Variants in POU6F2 observed in about 807,000 individuals in gnomAD.
POU6F2 encodes the protein POU class 6 homeobox 2, also known as POU domain, class 6, transcription factor 2.
A neutral mutation model predicts 71.3 loss-of-function variants in POU6F2; 31 were observed. The observed-to-expected ratio is 0.43, with a 90% CI of 0.33 to 0.59. POU6F2 has a LOEUF of 0.59. Among genes scored for constraint, POU6F2 ranks in the 20% least tolerant of loss-of-function variants. The pLI is 0.04. For synonymous variants in POU6F2, 347 were observed against 355.7 expected (o/e 0.98, Z 0.27); for missense variants, 783 against 856.8 (o/e 0.91, Z 1.07).
intron 8 of POU6F2, among the ~76,000 whole-genome samples, chr7:39,456,319 G>A (rs967796601): frequency 2.0e-5 from 3 of 152,180 alleles, no homozygotes; most frequent in Non-Finnish European, 4.4e-5. Flanking sequence ...AGGACAGAAT[G>A]TGAAATTCTG....
At chr7:39,100,193 AC>A (rs1791538115) in intron 2 of POU6F2, among the ~76,000 whole-genome samples, 1 of 152,282 alleles carries the variant, frequency 6.6e-6, no homozygotes, top group South Asian at 2.1e-4. Context: ...TCAACAATGA[AC>A]CCTTTTCATA....
At chr7:39,277,871 A>G (rs2128758716) in intron 4 of POU6F2, among the ~76,000 whole-genome samples, 1 of 152,168 alleles carries the variant, frequency 6.6e-6, no homozygotes, top group South Asian at 2.1e-4. Context: ...ATCCTGGGCA[A>G]CATGGTGAAA....
intron 2 of POU6F2, among the ~76,000 whole-genome samples, chr7:39,123,571 G>C (rs1363361461): frequency 6.6e-6 from 1 of 152,116 alleles, no homozygotes; most frequent in Non-Finnish European, 1.5e-5. Flanking sequence ...GCTAATTTGG[G>C]GCATTTTAGA....
chr7:39,000,738 T>C (rs1487090193), intron 1 of POU6F2, among the ~76,000 whole-genome samples: 2 of 152,098 alleles, frequency 1.3e-5, no homozygotes, highest in Non-Finnish European at 2.9e-5. Context: ...AAGATCAGGG[T>C]CAACAGAGAC....
At chr7:39,421,653 A>G (rs957533512) in intron 6 of POU6F2, among the ~76,000 whole-genome samples, 3 of 152,218 alleles carry the variant, frequency 2.0e-5, no homozygotes, top group Non-Finnish European at 4.4e-5. Context: ...AAAACTTGGA[A>G]TATTGGAGAT....
intron 4 of POU6F2, among the ~76,000 whole-genome samples, chr7:39,261,460 G>A (rs1396873071): frequency 6.6e-6 from 1 of 152,196 alleles, no homozygotes; most frequent in African/African-American, 2.4e-5. Context: ...TGAAGAATCA[G>A]CTTTTCTGGC....
intron 4 of POU6F2, among the ~76,000 whole-genome samples, chr7:39,338,697 A>G (rs1785838273): frequency 6.6e-6 from 1 of 152,210 alleles, no homozygotes; most frequent in Non-Finnish European, 1.5e-5. Context: ...ATTGAGATTT[A>G]GGCAAAAAAG....
chr7:39,104,041 G>A (rs28461975), intron 2 of POU6F2, among the ~76,000 whole-genome samples: 33,452 of 152,152 alleles, frequency 0.22, 3,881 homozygotes, highest in South Asian at 0.36. Flanking sequence ...GCAAAACTGG[G>A]AAAGCTAGAG....
intron 1 of POU6F2, among the ~76,000 whole-genome samples, chr7:38,994,141 C>T (rs945939924): frequency 1.9e-4 from 29 of 152,090 alleles, no homozygotes; most frequent in Admixed American, 7.9e-4. Context: ...CATGGGAACT[C>T]CAAGCTGCAA....
intron 1 of POU6F2, among the ~76,000 whole-genome samples, chr7:39,012,583 A>G (rs1102671): frequency 0.85 from 128,411 of 151,628 alleles, 55,408 homozygotes; most frequent in East Asian, 0.95. Flanking sequence ...GTGTTCCTTT[A>G]GAGGAGGAGA....
intron 4 of POU6F2, among the ~76,000 whole-genome samples, chr7:39,260,940 AC>A (rs1190264688): frequency 6.6e-6 from 1 of 151,498 alleles, no homozygotes; most frequent in Non-Finnish European, 1.5e-5. Flanking sequence ...ACACATACAC[AC>A]ACCCTACATC....
intron 4 of POU6F2, among the ~76,000 whole-genome samples, chr7:39,296,342 A>G (rs12701721): frequency 6.6e-6 from 1 of 151,978 alleles, no homozygotes; most frequent in Non-Finnish European, 1.5e-5. Context: ...ACTAAGTATC[A>G]TTGAGAACAA....
At chr7:39,214,257 G>A (rs1368677438) in intron 4 of POU6F2, among the ~76,000 whole-genome samples, 3 of 152,088 alleles carry the variant, frequency 2.0e-5, no homozygotes, top group African/African-American at 7.2e-5. Context: ...TCCTAGCCCA[G>A]GGCCTTTTGC....
At chr7:39,333,064 C>A (rs1180217870) in intron 4 of POU6F2, among the ~76,000 whole-genome samples, 1 of 152,122 alleles carries the variant, frequency 6.6e-6, no homozygotes, top group Non-Finnish European at 1.5e-5. Flanking sequence ...CAGCAAGCAC[C>A]CCCTGGGAAC....
At chr7:39,116,856 G>T (rs1209167743) in intron 2 of POU6F2, among the ~76,000 whole-genome samples, 1 of 151,826 alleles carries the variant, frequency 6.6e-6, no homozygotes, top group African/African-American at 2.4e-5. Context: ...GAGTAAAATT[G>T]CACATCACTT....
At chr7:39,387,509 T>A (rs1333871146) in intron 5 of POU6F2, among the ~76,000 whole-genome samples, 1 of 152,204 alleles carries the variant, frequency 6.6e-6, no homozygotes, top group Non-Finnish European at 1.5e-5. Flanking sequence ...ATACACTAGT[T>A]TTTCCCTTTA....
intron 6 of POU6F2, among the ~76,000 whole-genome samples, chr7:39,411,851 AG>A (rs1171763139): frequency 1.3e-5 from 2 of 152,186 alleles, no homozygotes; most frequent in African/African-American, 2.4e-5. Flanking sequence ...TAGGCTGGAG[AG>A]GGGTGGATGG....
intron 1 of POU6F2, among the ~76,000 whole-genome samples, chr7:38,988,312 T>C (rs897736382): frequency 6.6e-6 from 1 of 152,110 alleles, no homozygotes; most frequent in Admixed American, 6.6e-5. Flanking sequence ...CTGGTTCTAT[T>C]TATCTGGGTG....
Position 39,179,744 on chromosome 7 carries a change from T to C in POU6F2, c.278-24491T>C, listed in dbSNP as rs1317601074. On this transcript the variant is annotated intron_variant, in intron 2 of 9. Coordinates refer to ENST00000518318, the MANE Select transcript of POU6F2 (RefSeq NM_001370959.1). The stretch of plus-strand genomic sequence containing the variant: ...AATATTAGCAAGAGTGACAAATCAA[T>C]GTGGCTCTGGTTATAATCACTCCTT... Among the ~76,000 whole-genome samples the C allele has an allele frequency of 2.0e-5, 3 of 152,174 alleles. No individual in the cohort carries two copies. In the East Asian group the frequency reaches 5.8e-4, roughly 29 times the overall value.
Sources: gnomAD v4.1 joint callset for allele counts (sites outside exome capture counted in the v4.1 genomes callset) on GRCh38, gnomAD v4.1.1 for gene constraint, MANE v1.5 for transcripts, NCBI Gene and HGNC (gene_info 2026-07-23, HGNC 2026-07-21) for gene names.